Variants in NCKAP5 observed in about 807,000 individuals in gnomAD.
NCKAP5 encodes nck-associated protein 5.
NCKAP5 carries 92 observed loss-of-function variants against 167.0 expected under a neutral mutation model. The ratio of observed to expected loss-of-function variants is 0.55; its 90% CI spans 0.47 to 0.66. The LOEUF (loss-of-function observed/expected upper bound fraction) is 0.66, where lower values mean the gene tolerates loss of function less well. Ranked by LOEUF, NCKAP5 falls within the 30% of genes least tolerant of loss-of-function variation. NCKAP5 has a pLI of 0.00. For missense variants in NCKAP5, 2,378 were observed against 2,315.0 expected (o/e 1.03, Z -0.56); for synonymous variants, 891 against 877.4 (o/e 1.02, Z -0.27).
intron 3 of NCKAP5, among the ~76,000 whole-genome samples, chr2:133,490,433 A>T (rs1371117936): frequency 6.6e-6 from 1 of 152,210 alleles, no homozygotes; most frequent in African/African-American, 2.4e-5. Flanking sequence ...GGAGCAGTTA[A>T]GACCTGCCCT....
chr2:133,316,740 G>A (rs10192230), intron 3 of NCKAP5, among the ~76,000 whole-genome samples: 31,522 of 152,076 alleles, frequency 0.21, 3,535 homozygotes, highest in East Asian at 0.31. Flanking sequence ...AATGGGTGGT[G>A]CCCAGGATCT....
intron 3 of NCKAP5, among the ~76,000 whole-genome samples, chr2:133,383,241 G>A (rs926993304): frequency 1.3e-5 from 2 of 151,992 alleles, no homozygotes; most frequent in Non-Finnish European, 1.5e-5. Context: ...ACAGGCCCTG[G>A]TGTGTGATGT....
intron 2 of NCKAP5, among the ~76,000 whole-genome samples, chr2:133,530,018 T>C (rs1685233922): frequency 6.6e-6 from 1 of 152,212 alleles, no homozygotes; most frequent in Admixed American, 6.5e-5. Context: ...GTCAAATGCA[T>C]CAATCCTTTA....
At chr2:133,379,662 G>A (rs566518961) in intron 3 of NCKAP5, among the ~76,000 whole-genome samples, 5 of 152,236 alleles carry the variant, frequency 3.3e-5, no homozygotes, top group Admixed American at 3.3e-4. Context: ...ACAGACAGGT[G>A]CTCAATGCCT....
intron 3 of NCKAP5, among the ~76,000 whole-genome samples, chr2:133,442,333 G>C (rs2151167332): frequency 6.6e-6 from 1 of 152,210 alleles, no homozygotes; most frequent in East Asian, 1.9e-4. Context: ...TCCTCTGGAG[G>C]GACTTGCCCC....
intron 16 of NCKAP5, among the ~76,000 whole-genome samples, chr2:132,732,451 G>GATA (rs1347338414): frequency 1.3e-5 from 2 of 152,134 alleles, no homozygotes. Flanking sequence ...AAAGAAAAAT[G>GATA]ATAAGCATTT....
chr2:133,477,579 C>T (rs1680037894), intron 3 of NCKAP5, among the ~76,000 whole-genome samples: 1 of 152,152 alleles, frequency 6.6e-6, no homozygotes, highest in Non-Finnish European at 1.5e-5. Context: ...CATACACACC[C>T]ATGATAGAGT....
chr2:133,232,003 T>G (rs140178059), intron 4 of NCKAP5, among the ~76,000 whole-genome samples: 1,633 of 152,324 alleles, frequency 0.011, 14 homozygotes, highest in Non-Finnish European at 0.018. Flanking sequence ...ACTTTTTAAG[T>G]GTATAATGAT....
the NCKAP5 span, among the ~76,000 whole-genome samples, chr2:133,624,302 A>T: frequency 6.6e-6 from 1 of 152,116 alleles, no homozygotes; most frequent in Admixed American, 6.6e-5. Flanking sequence ...TAAATTTTTT[A>T]AAAAGAATCT....
chr2:132,784,424 T>C lies in NCKAP5; in HGVS notation c.2387A>G (p.Gln796Arg). Residue 796 changes from glutamine (Q) to arginine (R), a missense_variant, in exon 14 of 20, where the codon CAA becomes CGA. Coordinates refer to ENST00000409261, the MANE Select transcript of NCKAP5 (RefSeq NM_207363.3). ...AGGTATTTTTGTCAGATTTTGCTTT[T>C]GATAGATGCCCATGGGTGCCGAAGA... ...SRSSAPMGIY[Q>R]KQNLTKIPPR... is the part of the protein sequence containing the mutation. 6.2e-7 allele frequency: 1 copy of C among 1,612,904 alleles called. No homozygotes were observed. The highest frequency in any genetic ancestry group is 8.5e-7 in the Non-Finnish European group (1 of 1,179,520).
chr2:133,243,614 C>A (rs1006456239), intron 4 of NCKAP5, among the ~76,000 whole-genome samples: 1 of 152,172 alleles, frequency 6.6e-6, no homozygotes, highest in African/African-American at 2.4e-5. Flanking sequence ...ACACGTTCAA[C>A]TAATCTAAGC....
intron 5 of NCKAP5, among the ~76,000 whole-genome samples, chr2:133,137,580 T>C (rs16857175): frequency 0.03 from 4,635 of 152,072 alleles, 217 homozygotes; most frequent in African/African-American, 0.11. Context: ...ATGTCCTCAA[T>C]GCTAGACAGG....
intron 13 of NCKAP5, among the ~76,000 whole-genome samples, chr2:132,786,827 T>C (rs1683612744): frequency 6.6e-6 from 1 of 152,202 alleles, no homozygotes; most frequent in Non-Finnish European, 1.5e-5. Context: ...AGGCTCTTTC[T>C]ATAGTACGTC....
the NCKAP5 span, among the ~76,000 whole-genome samples, chr2:133,608,382 C>A: frequency 2.0e-4 from 31 of 152,176 alleles, no homozygotes; most frequent in Admixed American, 1.8e-3. Context: ...TTATCAAAAG[C>A]TGTATATACT....
intron 6 of NCKAP5, among the ~76,000 whole-genome samples, chr2:133,004,805 T>G (rs528758157): frequency 6.6e-6 from 1 of 152,232 alleles, no homozygotes; most frequent in African/African-American, 2.4e-5. Flanking sequence ...CCAGGGCATA[T>G]TTCACCCCTT....
intron 16 of NCKAP5, among the ~76,000 whole-genome samples, chr2:132,753,258 G>A (rs1455993521): frequency 1.3e-5 from 2 of 152,112 alleles, no homozygotes; most frequent in Non-Finnish European, 2.9e-5. Flanking sequence ...TACCTCCTTC[G>A]AATAAACACA....
intron 2 of NCKAP5, among the ~76,000 whole-genome samples, chr2:133,557,599 A>G (rs1687832182): frequency 6.6e-6 from 1 of 152,244 alleles, no homozygotes; most frequent in African/African-American, 2.4e-5. Flanking sequence ...ATCATACAAA[A>G]CATAGAGGGA....
intron 11 of NCKAP5, among the ~76,000 whole-genome samples, chr2:132,835,628 C>T (rs543540417): frequency 4.0e-4 from 60 of 150,882 alleles, no homozygotes; most frequent in African/African-American, 1.4e-3. Flanking sequence ...ATTTTTTTCA[C>T]TTTCCTGCCT....
chr2:133,119,640 C>T lies in NCKAP5; in HGVS notation c.341+10338G>A, dbSNP rs1229511394. 3.3e-5 allele frequency among the ~76,000 whole-genome samples: 5 copies of T among 152,080 alleles called. No homozygotes were observed. In the South Asian group the frequency reaches 8.3e-4, roughly 25 times the overall value. On this transcript the variant is annotated intron_variant, in intron 6 of 19. Coordinates refer to ENST00000409261, the MANE Select transcript of NCKAP5 (RefSeq NM_207363.3). The stretch of plus-strand genomic sequence containing the variant: ...CGAATGTATTAAAATATCACTTGCA[C>T]TCCAAAATTATGTACATCTATTATC...
Sources: gnomAD v4.1 joint callset for allele counts (sites outside exome capture counted in the v4.1 genomes callset) on GRCh38, gnomAD v4.1.1 for gene constraint, MANE v1.5 for transcripts, NCBI Gene and HGNC (gene_info 2026-07-23, HGNC 2026-07-21) for gene names.